The following FZD6 variants were observed in gnomAD, a reference collection of about 807,000 sequenced individuals.
The protein encoded by FZD6 is frizzled class receptor 6, also known as frizzled-6.
Under a neutral mutation model 61.4 loss-of-function variants are expected in FZD6, and 49 were observed. The observed-to-expected ratio is 0.80, with a 90% CI of 0.63 to 1.01. The LOEUF (loss-of-function observed/expected upper bound fraction) is 1.01, where lower values mean the gene tolerates loss of function less well. FZD6 is among the 50% of genes least tolerant of loss of function. The probability of loss-of-function intolerance (pLI) is 0.00; values close to 1 mark genes in which losing one functional copy is unlikely to be tolerated. For missense variants in FZD6, 724 were observed against 848.2 expected, an observed-to-expected ratio of 0.85 and a Z score of 1.82; for synonymous variants, 265 against 292.2, an observed-to-expected ratio of 0.91 and a Z score of 0.95.
intron 2 of FZD6, among the ~76,000 whole-genome samples, chr8:103,302,897 G>A (rs192991413): frequency 1.4e-4 from 21 of 152,250 alleles, no homozygotes; most frequent in Admixed American, 3.9e-4. Flanking sequence ...GTTGGAGGCT[G>A]CAGTGAGCTA....
intron 2 of FZD6, among the ~76,000 whole-genome samples, chr8:103,317,617 A>G (rs1814663024): frequency 1.3e-5 from 2 of 151,922 alleles, no homozygotes; most frequent in South Asian, 4.2e-4. Context: ...AGTAAAGAAT[A>G]AGTTGTAAGA....
Position 103,300,145 on chromosome 8 carries a change from T to C in FZD6, c.38T>C (p.Leu13Pro). The change falls in exon 2 of 7, where the codon CTA (leucine) becomes CCA (proline). Residue 13 changes from leucine to proline, a missense_variant. By Grantham distance (98) the Leu-to-Pro change is moderately conservative. Coordinates refer to ENST00000358755, the MANE Select transcript of FZD6 (RefSeq NM_003506.4). The stretch of plus-strand genomic sequence containing the variant: ...ACATTTTTGTTGACGTGTATTTTTC[T>C]ACCCCTCCTAAGAGGGCACAGTCTC... The part of the protein sequence containing the change: ...MFTFLLTCIF[L>P]PLLRGHSLFT... The C allele has an allele frequency of 1.2e-6, 2 of 1,603,704 alleles. No individual in the cohort carries two copies. Among genetic ancestry groups the C allele is most frequent in the African/African-American group, 1.3e-5 (1 of 74,886 alleles).
chr8:103,303,357 T>C (rs1814225356), intron 2 of FZD6, among the ~76,000 whole-genome samples: 1 of 152,354 alleles, frequency 6.6e-6, no homozygotes, highest in South Asian at 2.1e-4. Flanking sequence ...GTTAAAGCAA[T>C]AACTGTTTTT....
intron 3 of FZD6, among the ~76,000 whole-genome samples, chr8:103,321,333 C>A (rs1277124387): frequency 6.6e-6 from 1 of 152,176 alleles, no homozygotes; most frequent in Non-Finnish European, 1.5e-5. Flanking sequence ...CATTAACATC[C>A]TTTTATACAA....
chr8:103,317,203 C>A (rs1366990901), intron 2 of FZD6, among the ~76,000 whole-genome samples: 1 of 152,026 alleles, frequency 6.6e-6, no homozygotes, highest in African/African-American at 2.4e-5. Context: ...GACTCTGAGA[C>A]AGAAATACAC....
intron 2 of FZD6, among the ~76,000 whole-genome samples, chr8:103,303,196 A>G (rs1415177957): frequency 6.6e-6 from 1 of 152,074 alleles, no homozygotes; most frequent in Non-Finnish European, 1.5e-5. Context: ...ACCTTCCCAC[A>G]TTGCACACTC....
intron 3 of FZD6, among the ~76,000 whole-genome samples, chr8:103,320,258 G>A (rs927329952): frequency 6.6e-6 from 1 of 152,176 alleles, no homozygotes; most frequent in African/African-American, 2.4e-5. Flanking sequence ...ATGGAGCATG[G>A]GAGAATGAGT....
Position 103,324,947 on chromosome 8 carries a change from G to T in FZD6, c.841G>T (p.Ala281Ser), listed in dbSNP as rs375091015. The change falls in exon 4 of 7, where the codon GCT becomes TCT. Residue 281 changes from alanine to serine, a missense_variant. Coordinates refer to ENST00000358755, the MANE Select transcript of FZD6 (RefSeq NM_003506.4). ...TGTTGTCCTAGGCTCTCAAAATAAG[G>T]CTTGCACCGTTTTGTTCATGCTTTT... is the stretch of plus-strand genomic sequence containing the variant. Reference protein sequence around the residue: ...DTVVLGSQNKACTVLFMLLYF... With the variant: ...DTVVLGSQNKSCTVLFMLLYF... 1.2e-5 allele frequency: 19 copies of T among 1,613,964 alleles called. No homozygotes were observed. Among genetic ancestry groups the T allele is most frequent in the Non-Finnish European group, 1.6e-5 (19 of 1,180,008 alleles).
chr8:103,305,719 G>A (rs1360509575), intron 2 of FZD6, among the ~76,000 whole-genome samples: 1 of 152,204 alleles, frequency 6.6e-6, no homozygotes, highest in East Asian at 1.9e-4. Context: ...GTGTTTTAAA[G>A]GTAGAAACCT....
chr8:103,324,890 A>T lies in FZD6; in HGVS notation c.784A>T (p.Lys262Ter), dbSNP rs1355903108. The T allele has an allele frequency of 1.2e-6, 2 of 1,614,040 alleles. No individual in the cohort carries two copies. Among genetic ancestry groups the T allele is most frequent in the Admixed American group, 1.7e-5 (1 of 60,008 alleles). The part of the protein sequence containing the change: ...FLLGDSTACN[K>*]ADEKLELGDT... ...GCTAGGCGATAGCACAGCCTGCAAT[A>T]AGGCAGATGAGAAGCTAGAACTTGG... The change falls in exon 4 of 7, where the codon AAG (lysine) becomes TAG (stop). Residue 262 changes from lysine to a stop codon, truncating the protein, a stop_gained. Coordinates refer to ENST00000358755, the MANE Select transcript of FZD6 (RefSeq NM_003506.4). LOFTEE classifies it high-confidence loss of function.
At position 103,314,960 on chromosome 8, in the gene FZD6, G is replaced by A. The variant is rs140071635; in HGVS notation, c.178-3630G>A. On this transcript the variant is annotated intron_variant, in intron 2 of 6. Coordinates refer to ENST00000358755, the MANE Select transcript of FZD6 (RefSeq NM_003506.4). ...ACTTTATCCAGAACCTGAATGTTTT[G>A]TGGCAGGAGATATTTAGTTGGCCAT... is the stretch of plus-strand genomic sequence containing the variant. Among the ~76,000 whole-genome samples, 12 of 152,240 alleles carry A rather than the reference G, an allele frequency of 7.9e-5. No individual in the cohort carries two copies. In the East Asian group the frequency reaches 2.3e-3, roughly 29 times the overall value.
chr8:103,331,371 T>C lies in FZD6; in HGVS notation c.1983T>C (p.Thr661=), dbSNP rs777737534. Residue 661 remains threonine, a synonymous_variant, in exon 7 of 7, where the codon ACT becomes ACC. Coordinates refer to ENST00000358755, the MANE Select transcript of FZD6 (RefSeq NM_003506.4). ...RISPKSDITD[T]GLAQSNNLQV... is the part of the protein sequence containing the mutation. Reference sequence around the variant, plus strand: ...GTCCAAAGAGTGATATTACTGACACTGGCCTGGCACAGAGCAACAATTTGC... The same window carrying C: ...GTCCAAAGAGTGATATTACTGACACCGGCCTGGCACAGAGCAACAATTTGC... 1.2e-6 allele frequency: 2 copies of C among 1,613,048 alleles called. No individual in the cohort carries two copies. The highest frequency in any genetic ancestry group is 3.3e-5 in the Admixed American group (2 of 60,018).
chr8:103,306,190 A>G (rs1253138162), intron 2 of FZD6, among the ~76,000 whole-genome samples: 1 of 152,240 alleles, frequency 6.6e-6, no homozygotes, highest in Admixed American at 6.5e-5. Context: ...CACAAGAAAT[A>G]GTTTAAAAAT....
chr8:103,316,320 C>T lies in FZD6; in HGVS notation c.178-2270C>T, dbSNP rs548389067. On this transcript the variant is annotated intron_variant, in intron 2 of 6. Coordinates refer to ENST00000358755, the MANE Select transcript of FZD6 (RefSeq NM_003506.4). ...ACATATACTCTGTCAATCTCAATCC[C>T]CGCTCCTTTCCCTTGGAGACCTTTC... is the stretch of plus-strand genomic sequence containing the variant. Among the ~76,000 whole-genome samples, 5 of 152,264 alleles carry T rather than the reference C, an allele frequency of 3.3e-5. No homozygotes were observed. The South Asian group carries it at 6.2e-4, about 19-fold the overall frequency.
intron 6 of FZD6, among the ~76,000 whole-genome samples, chr8:103,330,913 C>G (rs954297603): frequency 6.6e-6 from 1 of 152,172 alleles, no homozygotes; most frequent in African/African-American, 2.4e-5. Context: ...CACGGTGGCT[C>G]ACGCCTGTAA....
intron 2 of FZD6, among the ~76,000 whole-genome samples, chr8:103,316,486 T>C (rs1030795756): frequency 1.3e-5 from 2 of 152,218 alleles, no homozygotes; most frequent in Admixed American, 1.3e-4. Context: ...TTTCCTTCCT[T>C]GTTTATTCAT....
Position 103,318,616 on chromosome 8 carries a change from A to G in FZD6, c.204A>G (p.Glu68=), listed in dbSNP as rs769341220. The change falls in exon 3 of 7, where the codon GAA becomes GAG. Residue 68 remains glutamate (E), a synonymous_variant. Coordinates refer to ENST00000358755, the MANE Select transcript of FZD6 (RefSeq NM_003506.4). ...MEHFLPLANL[E]CSPNIETFLC... ...ATTTTCTTCCTCTCGCAAATCTGGA[A>G]TGTTCACCAAACATTGAAACTTTCC... The G allele has an allele frequency of 6.8e-6, 11 of 1,609,484 alleles. No homozygotes were observed. Among genetic ancestry groups the G allele is most frequent in the Non-Finnish European group, 4.3e-6 (5 of 1,175,834 alleles).
At position 103,306,546 on chromosome 8, in the gene FZD6, C is replaced by T. The variant is rs191368067; in HGVS notation, c.177+6262C>T. The stretch of plus-strand genomic sequence containing the variant: ...TGAGACAGAGTCTCGTTCTGTCACC[C>T]AGGCTGGAGTGCAGTGGCGCCATCT... On this transcript the variant is annotated intron_variant, in intron 2 of 6. Transcript: ENST00000358755. 3.4e-4 allele frequency among the ~76,000 whole-genome samples: 46 copies of T among 133,646 alleles called. 1 individual carries two copies. Among genetic ancestry groups the T allele is most frequent in the Admixed American group, 8.6e-5 (1 of 11,654 alleles). 87.7% of individuals were successfully genotyped at this position (133,646 alleles called of 152,430 possible).
chr8:103,300,303 G>C lies in FZD6; in HGVS notation c.177+19G>C, dbSNP rs3736046. The C allele has an allele frequency of 2.6e-6, 4 of 1,521,434 alleles. No individual in the cohort carries two copies. Among genetic ancestry groups the C allele is most frequent in the Non-Finnish European group, 3.7e-6 (4 of 1,095,580 alleles). 94.2% of individuals were successfully genotyped at this position (1,521,434 alleles called of 1,614,324 possible). ...AATGGAGGTGAGTAGTGCTTCATACGTTTATTGAATAGTAGTTTATGCTCT... is the reference window on the plus strand; with the variant it reads ...AATGGAGGTGAGTAGTGCTTCATACCTTTATTGAATAGTAGTTTATGCTCT... On this transcript the variant is annotated intron_variant, in intron 2 of 6. Transcript: ENST00000358755.
Sources: allele counts gnomAD v4.1 joint callset (sites outside exome capture counted in the v4.1 genomes callset), GRCh38; gene constraint gnomAD v4.1.1; transcripts MANE v1.5; gene names NCBI Gene and HGNC (gene_info 2026-07-23, HGNC 2026-07-21).